The following MAN2A1 variants were observed in gnomAD, a reference collection of about 807,000 sequenced individuals.
MAN2A1 encodes the protein alpha-mannosidase 2.
Under a neutral mutation model 142.6 loss-of-function variants are expected in MAN2A1, and 76 were observed. That is an observed-to-expected ratio of 0.53 (90% CI 0.44 to 0.65). The LOEUF (loss-of-function observed/expected upper bound fraction) is 0.65. Among genes scored for constraint, MAN2A1 ranks in the 30% least tolerant of loss-of-function variants. MAN2A1 has a pLI of 0.00. For missense variants in MAN2A1, 1,311 were observed against 1,365.1 expected (o/e 0.96, Z 0.62); for synonymous variants, 559 against 473.2 (o/e 1.18, Z -2.35).
At chr5:109,829,468 A>G (rs1754848456) in intron 16 of MAN2A1, among the ~76,000 whole-genome samples, 1 of 152,228 alleles carries the variant, frequency 6.6e-6, no homozygotes, top group East Asian at 1.9e-4. Flanking sequence ...GGGCCTCCAG[A>G]AAGTCAACAC....
rs563456587 is a variant in MAN2A1, at chr5:109,809,724, C to T, written c.1944-7549C>T. Among the ~76,000 whole-genome samples, 90 of 152,174 alleles carry T rather than the reference C, an allele frequency of 5.9e-4. 1 individual carries two copies. The highest frequency in any genetic ancestry group is 2.1e-3 in the African/African-American group (87 of 41,526). ...CATGACACACCAGGTGTATTTTCTCCGTTTGGGGATCACAGAGTTTTTTTG... is the reference window on the plus strand; with the variant it reads ...CATGACACACCAGGTGTATTTTCTCTGTTTGGGGATCACAGAGTTTTTTTG... On this transcript the variant is annotated intron_variant, in intron 12 of 21. Transcript: ENST00000261483.
intron 5 of MAN2A1, among the ~76,000 whole-genome samples, chr5:109,764,956 A>G (rs1282123641): frequency 6.6e-6 from 1 of 152,176 alleles, no homozygotes; most frequent in African/African-American, 2.4e-5. Flanking sequence ...TTTCTGAATC[A>G]TTTGAGAGTA....
chr5:109,747,694 T>C (rs1752443055), intron 4 of MAN2A1, among the ~76,000 whole-genome samples: 1 of 152,190 alleles, frequency 6.6e-6, no homozygotes, highest in African/African-American at 2.4e-5. Context: ...CTCTAGGGCT[T>C]TCCCCAAATT....
intron 3 of MAN2A1, among the ~76,000 whole-genome samples, chr5:109,722,385 T>C (rs1751629284): frequency 6.6e-6 from 1 of 152,150 alleles, no homozygotes. Flanking sequence ...TAGAAAGTGA[T>C]TTACAAGCAA....
intron 10 of MAN2A1, among the ~76,000 whole-genome samples, chr5:109,785,612 C>G (rs548892720): frequency 1.3e-5 from 2 of 152,084 alleles, no homozygotes; most frequent in Non-Finnish European, 2.9e-5. Context: ...GAGGACTTGG[C>G]AAACAGAGCT....
chr5:109,811,154 CTT>C (rs1445199080), intron 12 of MAN2A1, among the ~76,000 whole-genome samples: 1 of 151,710 alleles, frequency 6.6e-6, no homozygotes, highest in African/African-American at 2.4e-5. Context: ...TTTCTACTAA[CTT>C]TGTATCTTTT....
chr5:109,728,263 A>T (rs964179285), intron 3 of MAN2A1, among the ~76,000 whole-genome samples: 2 of 152,050 alleles, frequency 1.3e-5, no homozygotes, highest in African/African-American at 4.8e-5. Flanking sequence ...TTATTTATTT[A>T]TTTATTTTTT....
chr5:109,831,576 T>C (rs980604861), intron 16 of MAN2A1, among the ~76,000 whole-genome samples: 2 of 152,262 alleles, frequency 1.3e-5, no homozygotes, highest in African/African-American at 2.4e-5. Context: ...TGGTGTATTG[T>C]ACATGGTGAC....
At chr5:109,824,748 G>A (rs1754713869) in intron 16 of MAN2A1, among the ~76,000 whole-genome samples, 1 of 152,128 alleles carries the variant, frequency 6.6e-6, no homozygotes, top group African/African-American at 2.4e-5. Context: ...GGTATTGTGG[G>A]AAAGCAAAGG....
chr5:109,760,849 A>G (rs1351720830), intron 5 of MAN2A1, among the ~76,000 whole-genome samples: 5 of 151,648 alleles, frequency 3.3e-5, no homozygotes, highest in African/African-American at 7.3e-5. Context: ...TATTGTGTCT[A>G]TTTGATTCTT....
intron 7 of MAN2A1, 143 bp downstream of exon 7, chr5:109,770,684 C>A (rs1034913982): frequency 1.4e-6 from 1 of 717,278 alleles, no homozygotes; most frequent in Non-Finnish European, 2.3e-6. Flanking sequence ...TCTAAAGCAA[C>A]TTAAAAATGC....
intron 16 of MAN2A1, among the ~76,000 whole-genome samples, chr5:109,839,305 G>A (rs1484229631): frequency 1.3e-5 from 2 of 152,112 alleles, no homozygotes. Flanking sequence ...CTGAAAAGAG[G>A]GTTTGCATTT....
chr5:109,724,102 T>A (rs1211138908), intron 3 of MAN2A1, among the ~76,000 whole-genome samples: 1 of 152,238 alleles, frequency 6.6e-6, no homozygotes, highest in Non-Finnish European at 1.5e-5. Flanking sequence ...GCAGCGTATT[T>A]GAGTAATAGT....
chr5:109,732,954 AG>A (rs1432930326), intron 4 of MAN2A1, among the ~76,000 whole-genome samples: 1 of 152,218 alleles, frequency 6.6e-6, no homozygotes, highest in Non-Finnish European at 1.5e-5. Context: ...TACCTTGGGC[AG>A]TATGGCCATT....
intron 19 of MAN2A1, among the ~76,000 whole-genome samples, chr5:109,851,197 G>A (rs1755472728): frequency 6.6e-6 from 1 of 152,246 alleles, no homozygotes; most frequent in South Asian, 2.1e-4. Flanking sequence ...GGACTTGGAT[G>A]ATATCCACTG....
Position 109,787,246 on chromosome 5 carries a change from C to T in MAN2A1, c.1761-1688C>T, listed in dbSNP as rs117495738. On this transcript the variant is annotated intron_variant, in intron 10 of 21. Transcript: ENST00000261483. ...TGTAATTAAGGTAGGTGGGAGAAAACGGAACACAGGGTGAGCGTGAGGGTC... is the reference window on the plus strand; with the variant it reads ...TGTAATTAAGGTAGGTGGGAGAAAATGGAACACAGGGTGAGCGTGAGGGTC... 4.8e-4 allele frequency among the ~76,000 whole-genome samples: 73 copies of T among 151,974 alleles called. No individual in the cohort carries two copies. The East Asian group carries it at 5.0e-3, about 10-fold the overall frequency.
At chr5:109,839,393 C>G (rs1755140916) in intron 16 of MAN2A1, among the ~76,000 whole-genome samples, 1 of 151,968 alleles carries the variant, frequency 6.6e-6, no homozygotes, top group Admixed American at 6.6e-5. Flanking sequence ...TTTCAACTTC[C>G]CAATAGTGGT....
At chr5:109,700,405 G>C (rs763707635) in intron 1 of MAN2A1, among the ~76,000 whole-genome samples, 3 of 151,744 alleles carry the variant, frequency 2.0e-5, no homozygotes, top group Admixed American at 6.6e-5. Flanking sequence ...TGAGGACTTC[G>C]GGGCTGAAGA....
intron 4 of MAN2A1, among the ~76,000 whole-genome samples, chr5:109,733,589 C>G (rs1317084520): frequency 2.6e-5 from 4 of 152,098 alleles, no homozygotes; most frequent in African/African-American, 9.7e-5. Context: ...TGAATTTTGT[C>G]AAAGGCCTTT....
Sources: gnomAD v4.1 joint callset for allele counts (sites outside exome capture counted in the v4.1 genomes callset) on GRCh38, gnomAD v4.1.1 for gene constraint, MANE v1.5 for transcripts, NCBI Gene and HGNC (gene_info 2026-07-23, HGNC 2026-07-21) for gene names.